The following DRC11 variants were observed in gnomAD, a reference collection of about 807,000 sequenced individuals.
DRC11 encodes the protein IQ and AAA domain-containing protein 1.
the DRC11 span, among the ~76,000 whole-genome samples, chr2:236,457,497 G>C: frequency 6.6e-6 from 1 of 152,230 alleles, no homozygotes; most frequent in African/African-American, 2.4e-5. This position sits in a 1 kb window ranked among gnomAD's most constrained non-coding sequence, Gnocchi z 4.7. Flanking sequence ...GAGCTGTTGA[G>C]AGTTGTAGTA....
chr2:236,351,237 A>G, the DRC11 span, among the ~76,000 whole-genome samples: 1 of 152,066 alleles, frequency 6.6e-6, no homozygotes, highest in Non-Finnish European at 1.5e-5. The surrounding 1 kb of genome is among the most constrained non-coding windows in gnomAD (Gnocchi z 7.3). Flanking sequence ...GGTAAGGGAG[A>G]GCAGACCTGA....
the DRC11 span, among the ~76,000 whole-genome samples, chr2:236,405,518 C>T: frequency 1.2e-4 from 18 of 152,078 alleles, no homozygotes; most frequent in African/African-American, 3.1e-4. The surrounding 1 kb of genome is among the most constrained non-coding windows in gnomAD (Gnocchi z 4.6). Context: ...CTCTGGGTAC[C>T]GCTAAGATGC....
chr2:236,477,019 T>C, the DRC11 span, among the ~76,000 whole-genome samples: 1 of 152,196 alleles, frequency 6.6e-6, no homozygotes, highest in Non-Finnish European at 1.5e-5. Context: ...TAGTGTTTTG[T>C]TGAGGATTTC....
chr2:236,334,272 A>T, the DRC11 span, among the ~76,000 whole-genome samples: 1 of 152,300 alleles, frequency 6.6e-6, no homozygotes, highest in Middle Eastern at 3.4e-3. The surrounding 1 kb of genome is among the most constrained non-coding windows in gnomAD (Gnocchi z 7.8). Context: ...TGGCCCTTAA[A>T]TAGCTGCTGT....
At chr2:236,451,125 G>GA in the DRC11 span, among the ~76,000 whole-genome samples, 5 of 151,976 alleles carry the variant, frequency 3.3e-5, no homozygotes, top group East Asian at 9.7e-4. Flanking sequence ...GCATATCCTT[G>GA]ATTGTTAAAA....
At chr2:236,376,647 T>C in the DRC11 span, among the ~76,000 whole-genome samples, 7 of 152,214 alleles carry the variant, frequency 4.6e-5, no homozygotes, top group African/African-American at 7.2e-5. The surrounding 1 kb of genome is among the most constrained non-coding windows in gnomAD (Gnocchi z 5.7). Flanking sequence ...GAGGCTGTGA[T>C]AACAAATGTC....
chr2:236,360,313 C>T, the DRC11 span, among the ~76,000 whole-genome samples: 22 of 152,258 alleles, frequency 1.4e-4, no homozygotes, highest in African/African-American at 5.3e-4. The surrounding 1 kb of genome is among the most constrained non-coding windows in gnomAD (Gnocchi z 5.8). Context: ...GTTTTCTTAA[C>T]AGTAAAATGG....
At chr2:236,405,463 C>T in the DRC11 span, among the ~76,000 whole-genome samples, 81 of 151,874 alleles carry the variant, frequency 5.3e-4, no homozygotes, top group Non-Finnish European at 8.7e-4. The surrounding 1 kb of genome is among the most constrained non-coding windows in gnomAD (Gnocchi z 4.6). Context: ...CTCTGGGGCT[C>T]CTCAAATATC....
the DRC11 span, among the ~76,000 whole-genome samples, chr2:236,344,255 C>A: frequency 1.3e-5 from 2 of 152,162 alleles, no homozygotes; most frequent in Admixed American, 6.5e-5. Flanking sequence ...CCTATGTGTG[C>A]CATTTGCTTT....
the DRC11 span, among the ~76,000 whole-genome samples, chr2:236,493,555 G>A: frequency 1.5e-3 from 225 of 152,262 alleles, no homozygotes; most frequent in Admixed American, 5.2e-3. Context: ...CTAAGCTCTT[G>A]ATCTCAGTGT....
At chr2:236,461,778 G>C in the DRC11 span, among the ~76,000 whole-genome samples, 1 of 152,150 alleles carries the variant, frequency 6.6e-6, no homozygotes, top group Non-Finnish European at 1.5e-5. This position sits in a 1 kb window ranked among gnomAD's most constrained non-coding sequence, Gnocchi z 4.0. Flanking sequence ...ACTTGCCCAA[G>C]CTTACACAGC....
the DRC11 span, among the ~76,000 whole-genome samples, chr2:236,308,712 T>C: frequency 6.6e-6 from 1 of 152,208 alleles, no homozygotes; most frequent in Non-Finnish European, 1.5e-5. This position sits in a 1 kb window ranked among gnomAD's most constrained non-coding sequence, Gnocchi z 6.0. Flanking sequence ...GGAATAGTAT[T>C]CCATCTGTGT....
the DRC11 span, among the ~76,000 whole-genome samples, chr2:236,459,647 A>ATATATGTATATACATACGTATAT: frequency 1.4e-5 from 2 of 142,694 alleles, no homozygotes; most frequent in African/African-American, 5.3e-5. Flanking sequence ...GTATATACGT[A>ATATATGTATATACATACGTATAT]TATATGTATA....
the DRC11 span, among the ~76,000 whole-genome samples, chr2:236,441,993 T>C: frequency 6.6e-6 from 1 of 152,126 alleles, no homozygotes. Context: ...CCCAACACTT[T>C]GGAAGGCTGA....
chr2:236,419,358 G>C, the DRC11 span: 1 of 1,473,102 alleles, frequency 6.8e-7, no homozygotes, highest in Non-Finnish European at 9.0e-7. The surrounding 1 kb of genome is among the most constrained non-coding windows in gnomAD (Gnocchi z 4.8). Flanking sequence ...AAGTTTTTGT[G>C]CTGGTCAGTG....
the DRC11 span, among the ~76,000 whole-genome samples, chr2:236,459,692 T>C: frequency 9.2e-5 from 13 of 141,196 alleles, no homozygotes; most frequent in South Asian, 2.4e-3. Context: ...TATATACATA[T>C]ATACATATAT....
the DRC11 span, among the ~76,000 whole-genome samples, chr2:236,376,243 C>A: frequency 6.6e-6 from 1 of 152,180 alleles, no homozygotes; most frequent in Non-Finnish European, 1.5e-5. This position sits in a 1 kb window ranked among gnomAD's most constrained non-coding sequence, Gnocchi z 5.7. Context: ...TCAGACTCTT[C>A]AAAAATGTCA....
At chr2:236,430,909 T>C in the DRC11 span, among the ~76,000 whole-genome samples, 1 of 151,938 alleles carries the variant, frequency 6.6e-6, no homozygotes, top group Non-Finnish European at 1.5e-5. This position sits in a 1 kb window ranked among gnomAD's most constrained non-coding sequence, Gnocchi z 6.0. Context: ...ATTTTGCTCC[T>C]GCTCATCAAC....
At chr2:236,358,074 TTATAA>T in the DRC11 span, among the ~76,000 whole-genome samples, 2 of 120,308 alleles carry the variant, frequency 1.7e-5, no homozygotes, top group African/African-American at 6.8e-5. Context: ...GAATATATAT[TTATAA>T]TATATAGATA....
Sources: gnomAD v4.1 joint callset for allele counts (sites outside exome capture counted in the v4.1 genomes callset) on GRCh38, gnomAD v4.1.1 for gene constraint, Gnocchi (gnomAD v3.1) non-coding constraint, MANE v1.5 for transcripts, NCBI Gene and HGNC (gene_info 2026-07-23, HGNC 2026-07-21) for gene names.